The following ACTN1 variants were observed in gnomAD, a reference collection of about 807,000 sequenced individuals.
The protein encoded by ACTN1 is actinin alpha 1, also known as alpha-actinin-1.
Under a neutral mutation model 119.6 loss-of-function variants are expected in ACTN1, and 30 were observed. That is an observed-to-expected ratio of 0.25 (90% CI 0.19 to 0.34). The LOEUF is 0.34. ACTN1 is among the 10% of genes least tolerant of loss of function. The pLI, the probability that ACTN1 is intolerant of heterozygous loss-of-function variation, is 1.00. For synonymous variants in ACTN1, 429 were observed against 472.6 expected, an observed-to-expected ratio of 0.91 and a Z score of 1.20; for missense variants, 764 against 1,223.4, an observed-to-expected ratio of 0.62 and a Z score of 5.60.
At chr14:68,908,724 T>C (rs548753947) in intron 6 of ACTN1, among the ~76,000 whole-genome samples, 24 of 152,166 alleles carry the variant, frequency 1.6e-4, no homozygotes, top group African/African-American at 4.6e-4. Flanking sequence ...AGCTCAGACA[T>C]TGAGAACCAC....
chr14:68,936,531 G>T (rs1222247226), intron 1 of ACTN1: 13 of 278,252 alleles, frequency 4.7e-5, no homozygotes, highest in East Asian at 9.0e-5. Flanking sequence ...GCAAATAAAA[G>T]AACAGTCTGT....
At chr14:68,978,263 G>A (rs938949846) in intron 1 of ACTN1, 1 of 455,364 alleles carries the variant, frequency 2.2e-6, no homozygotes, top group Non-Finnish European at 4.4e-6. Flanking sequence ...GCCCATGTCG[G>A]GGTTACAGCT....
chr14:68,882,555 G>A lies in ACTN1; in HGVS notation c.1856C>T (p.Thr619Met), dbSNP rs202125007. 140 of 1,614,150 alleles carry A rather than the reference G, an allele frequency of 8.7e-5. No individual in the cohort carries two copies. The highest frequency in any genetic ancestry group is 6.8e-4 in the African/African-American group (51 of 75,040). Residue 619 changes from threonine to methionine, a missense_variant, in exon 16 of 22, where the codon ACG (threonine) becomes ATG (methionine). Coordinates refer to ENST00000394419, the MANE Select transcript of ACTN1 (RefSeq NM_001130004.2). This position sits in a 1 kb window ranked among gnomAD's most constrained non-coding sequence, Gnocchi z 4.5. ...QLVPRRDQAL[T>M]EEHARQQHNE... ...GTGCTGCTGTCGGGCATGCTCCTCC[G>A]TCAGAGCTTGGTCCCTCCGAGGCAC...
chr14:68,916,597 G>C (rs2034307685), intron 3 of ACTN1, among the ~76,000 whole-genome samples: 1 of 152,142 alleles, frequency 6.6e-6, no homozygotes, highest in South Asian at 2.1e-4. Flanking sequence ...CCCTGGCATG[G>C]CAGGTCCTGT....
At chr14:68,891,044 T>C (rs1399209617) in intron 10 of ACTN1, among the ~76,000 whole-genome samples, 1 of 152,182 alleles carries the variant, frequency 6.6e-6, no homozygotes, top group African/African-American at 2.4e-5. Flanking sequence ...GATTCAGCCT[T>C]GGAGCCCCGA....
At chr14:68,938,576 C>T (rs1353422147) in intron 1 of ACTN1, among the ~76,000 whole-genome samples, 1 of 152,196 alleles carries the variant, frequency 6.6e-6, no homozygotes, top group African/African-American at 2.4e-5. Context: ...ACAACAGACA[C>T]TTAAACAATG....
At chr14:68,978,767 C>A (rs1392198109) in intron 1 of ACTN1, 185 bp downstream of exon 1, 4 of 416,196 alleles carry the variant, frequency 9.6e-6, no homozygotes, top group African/African-American at 6.4e-5. Context: ...GGGGCAGGGG[C>A]GCTCCCGCTT....
intron 1 of ACTN1, among the ~76,000 whole-genome samples, chr14:68,954,380 T>C (rs1259692996): frequency 6.6e-6 from 1 of 152,146 alleles, no homozygotes; most frequent in African/African-American, 2.4e-5. Context: ...CAAGCTGGAG[T>C]GCAGTGGTGC....
At chr14:68,975,156 T>C in intron 1 of ACTN1, among the ~76,000 whole-genome samples, 1 of 152,260 alleles carries the variant, frequency 6.6e-6, no homozygotes, top group East Asian at 1.9e-4. Context: ...CCCCTCTTCC[T>C]GTGACCTAGC....
intron 7 of ACTN1, 88 bp downstream of exon 7, chr14:68,904,567 G>A: frequency 8.1e-7 from 1 of 1,237,124 alleles, no homozygotes; most frequent in Non-Finnish European, 1.2e-6. Flanking sequence ...CTCCCGTCCA[G>A]CCCCGGACTG....
At chr14:68,924,588 G>C (rs1257321265) in intron 2 of ACTN1, among the ~76,000 whole-genome samples, 2 of 152,224 alleles carry the variant, frequency 1.3e-5, no homozygotes, top group Non-Finnish European at 2.9e-5. Context: ...CTGTGAGAGG[G>C]AACAGTGTGA....
At chr14:68,901,946 CAGG>C (rs2033368619) in intron 8 of ACTN1, among the ~76,000 whole-genome samples, 1 of 152,228 alleles carries the variant, frequency 6.6e-6, no homozygotes, top group African/African-American at 2.4e-5. Context: ...AGGCAGGATA[CAGG>C]AGAAGGCACT....
intron 2 of ACTN1, among the ~76,000 whole-genome samples, chr14:68,923,734 C>A (rs1020979357): frequency 5.3e-5 from 8 of 152,122 alleles, no homozygotes; most frequent in African/African-American, 1.9e-4. Flanking sequence ...CCCATGTGAC[C>A]TAGCAGTTCC....
At chr14:68,881,933 C>CTTTTTT (rs1566592304) in intron 16 of ACTN1, among the ~76,000 whole-genome samples, 1 of 70,928 alleles carries the variant, frequency 1.4e-5, no homozygotes, top group African/African-American at 9.4e-5. Context: ...TCATAGGCAG[C>CTTTTTT]TTCTTTTTTT....
chr14:68,970,943 G>A (rs1475989348), intron 1 of ACTN1, among the ~76,000 whole-genome samples: 1 of 152,196 alleles, frequency 6.6e-6, no homozygotes, highest in Non-Finnish European at 1.5e-5. Context: ...ATGTAAAATG[G>A]GGATAAGACC....
chr14:68,970,745 A>G (rs2036856997), intron 1 of ACTN1, among the ~76,000 whole-genome samples: 1 of 152,216 alleles, frequency 6.6e-6, no homozygotes, highest in South Asian at 2.1e-4. Context: ...TGAAAAACAC[A>G]GAGAAATACA....
chr14:68,892,070 C>G lies in ACTN1; in HGVS notation c.1069G>C (p.Glu357Gln), dbSNP rs767667282. 2 of 1,613,760 alleles carry G rather than the reference C, an allele frequency of 1.2e-6. No individual in the cohort carries two copies. The highest frequency in any genetic ancestry group is 2.7e-5 in the African/African-American group (2 of 74,880). ...GTGCTCACCGAGACCATCCTGCCCT[C>G]AGAGGGCATGAAGGCAGGCCGGTTG... ...LSNRPAFMPS[E>Q]GRMVSDINNA... is the part of the protein sequence containing the mutation. The change falls in exon 10 of 22, where the codon GAG (glutamate) becomes CAG (glutamine). Residue 357 changes from glutamate to glutamine, a missense_variant. Transcript: ENST00000394419.
At chr14:68,902,176 G>C (rs113037089) in intron 8 of ACTN1, among the ~76,000 whole-genome samples, 14 of 152,344 alleles carry the variant, frequency 9.2e-5, no homozygotes, top group African/African-American at 3.4e-4. Context: ...TAGCCTTCCA[G>C]AACCACCCCG....
intron 1 of ACTN1, among the ~76,000 whole-genome samples, chr14:68,969,104 C>T (rs1488748825): frequency 6.6e-6 from 1 of 152,118 alleles, no homozygotes; most frequent in Non-Finnish European, 1.5e-5. Context: ...TAACTGAGAC[C>T]CCAATGTGGC....
Sources: gnomAD v4.1 joint callset for allele counts (sites outside exome capture counted in the v4.1 genomes callset) on GRCh38, gnomAD v4.1.1 for gene constraint, Gnocchi (gnomAD v3.1) non-coding constraint, MANE v1.5 for transcripts, NCBI Gene and HGNC (gene_info 2026-07-23, HGNC 2026-07-21) for gene names.